The following INTS8 variants were observed in gnomAD, a reference collection of about 807,000 sequenced individuals.
INTS8 encodes integrator complex subunit 8.
Under a neutral mutation model 138.9 loss-of-function variants are expected in INTS8, and 47 were observed. The observed-to-expected ratio is 0.34, with a 90% CI of 0.27 to 0.43. INTS8 has a LOEUF of 0.43. INTS8 is among the 20% of genes least tolerant of loss of function. The probability of loss-of-function intolerance (pLI) is 1.00; values close to 1 mark genes in which losing one functional copy is unlikely to be tolerated. For missense variants in INTS8, 996 were observed against 1,173.0 expected (o/e 0.85, Z 2.20); for synonymous variants, 392 against 400.9 (o/e 0.98, Z 0.27).
chr8:94,834,703 CAAA>C (rs1180267625), intron 6 of INTS8, among the ~76,000 whole-genome samples: 2 of 85,078 alleles, frequency 2.4e-5, no homozygotes, highest in Non-Finnish European at 2.4e-5. Flanking sequence ...AACTCCATCT[CAAA>C]AAAAAAAAAA....
At chr8:94,873,933 A>AT (rs990033766) in intron 22 of INTS8, among the ~76,000 whole-genome samples, 12 of 150,832 alleles carry the variant, frequency 8.0e-5, no homozygotes, top group South Asian at 4.2e-4. Context: ...CTAAATCCCT[A>AT]TTTTTTTTTC....
intron 2 of INTS8, among the ~76,000 whole-genome samples, chr8:94,826,232 AC>A (rs759933282): frequency 5.9e-5 from 9 of 151,906 alleles, no homozygotes; most frequent in Non-Finnish European, 8.8e-5. Context: ...GTATTCAAAA[AC>A]CCTCTTTTTA....
rs368510999 is a variant in INTS8 at position 94,856,982 on chromosome 8, A to G, written c.1954+4A>G. The G allele has an allele frequency of 6.2e-6, 10 of 1,610,278 alleles. No homozygotes were observed. In the African/African-American group the frequency reaches 1.1e-4, roughly 17 times the overall value. On this transcript the variant is annotated splice_donor_region_variant and intron_variant, in intron 15 of 26. Transcript: ENST00000523731. ...TATCTGGAAATGAGGCTTCCTGGTA[A>G]GACTGGTTCACAAAGACAAATTTCA...
At chr8:94,844,884 C>G (rs1815276045) in intron 10 of INTS8, among the ~76,000 whole-genome samples, 1 of 151,820 alleles carries the variant, frequency 6.6e-6, no homozygotes, top group Admixed American at 6.6e-5. Flanking sequence ...TCCTGAGTAG[C>G]TGGGACTACA....
intron 12 of INTS8, among the ~76,000 whole-genome samples, chr8:94,850,387 C>T (rs1586496193): frequency 6.6e-6 from 1 of 152,068 alleles, no homozygotes; most frequent in African/African-American, 2.4e-5. Context: ...CCAAGACGGG[C>T]GGATCACGAG....
Position 94,859,311 on chromosome 8 carries a change from A to G in INTS8, c.1955-200A>G, listed in dbSNP as rs1222531019. 4.0e-5 allele frequency among the ~76,000 whole-genome samples: 6 copies of G among 150,930 alleles called. No individual in the cohort carries two copies. In the East Asian group the frequency reaches 1.2e-3, roughly 30 times the overall value. ...AATTTTATTTTTGAGACAAGGTCTC[A>G]CTCTGTTGCCCAGGCTGGTCTCAAA... On this transcript the variant is annotated intron_variant, in intron 15 of 26. Transcript: ENST00000523731.
At chr8:94,846,852 C>T (rs1208772834) in intron 10 of INTS8, among the ~76,000 whole-genome samples, 2 of 152,074 alleles carry the variant, frequency 1.3e-5, no homozygotes, top group Admixed American at 6.5e-5. Flanking sequence ...TTGAAATGGT[C>T]ACATAATTTC....
rs1322555431 is a variant in INTS8, at chr8:94,872,782, CTG to C, written c.2534-588_2534-587del. On this transcript the variant is annotated intron_variant, in intron 21 of 26. Coordinates refer to ENST00000523731, the MANE Select transcript of INTS8 (RefSeq NM_017864.4). ...TTTCTGACTAGAATCATTTCAGAAT[CTG>C]TGTTTTAGGAGTTGGTTTTTAATTT... is the stretch of plus-strand genomic sequence containing the variant. Among the ~76,000 whole-genome samples, 16 of 152,270 alleles carry C rather than the reference CTG, an allele frequency of 1.1e-4. 1 individual carries two copies. The highest frequency in any genetic ancestry group is 7.8e-4 in the Admixed American group (12 of 15,304).
rs1816073915 is a variant in INTS8 at position 94,863,626 on chromosome 8, T to C, written c.2077-1880T>C. Among the ~76,000 whole-genome samples, 3 of 152,370 alleles carry C rather than the reference T, an allele frequency of 2.0e-5. No individual in the cohort carries two copies. The South Asian group carries it at 6.2e-4, about 32-fold the overall frequency. On this transcript the variant is annotated intron_variant, in intron 16 of 26. Transcript: ENST00000523731. ...AATTTTTATGTTGTGCTTTCCATGATGCCCACCACACATAGTAGGTGCTCA... is the reference window on the plus strand; with the variant it reads ...AATTTTTATGTTGTGCTTTCCATGACGCCCACCACACATAGTAGGTGCTCA...
intron 16 of INTS8, among the ~76,000 whole-genome samples, chr8:94,863,394 G>T (rs997806180): frequency 1.3e-5 from 2 of 152,212 alleles, no homozygotes; most frequent in Non-Finnish European, 2.9e-5. Context: ...CCAGCTTTGC[G>T]TGTTTGTGTG....
chr8:94,876,087 G>A lies in INTS8; in HGVS notation c.2702G>A (p.Cys901Tyr). The change falls in exon 24 of 27, where the codon TGT (cysteine) becomes TAT (tyrosine). Residue 901 changes from cysteine (C) to tyrosine (Y), a missense_variant. Coordinates refer to ENST00000523731, the MANE Select transcript of INTS8 (RefSeq NM_017864.4). ...TTGTTAATGTAGGTGGCCATTTTAT[G>A]TCAGTTCCTCAGAGAAATTGACTAC... ...LNCHTQVAIL[C>Y]QFLREIDYKT... 1.2e-6 allele frequency: 2 copies of A among 1,607,902 alleles called. No homozygotes were observed. Among genetic ancestry groups the A allele is most frequent in the South Asian group, 1.1e-5 (1 of 90,886 alleles).
intron 18 of INTS8, chr8:94,866,685 T>A (rs1816187822): frequency 5.8e-6 from 1 of 171,100 alleles, no homozygotes. Flanking sequence ...TTGCATTTAC[T>A]TTACCATGTT....
At chr8:94,828,828 G>T (rs924811134) in intron 4 of INTS8, 147 bp from the exon 5 acceptor site, 4 of 629,090 alleles carry the variant, frequency 6.4e-6, no homozygotes, top group South Asian at 1.9e-5. Context: ...ATAGTTGAGG[G>T]TTTTGTTTTT....
chr8:94,837,750 C>T (rs1814979482), intron 7 of INTS8, among the ~76,000 whole-genome samples: 1 of 151,952 alleles, frequency 6.6e-6, no homozygotes, highest in East Asian at 1.9e-4. Flanking sequence ...TAATGATGTC[C>T]ACCTTTTGTA....
rs569418489 is a variant in INTS8 at position 94,850,537 on chromosome 8, A to G, written c.1507+446A>G. ...TGAGGTAGGAGAATGGCGTGAACCC[A>G]GGAGGCGGAGCTTGCAGTGAGCCAA... On this transcript the variant is annotated intron_variant, in intron 12 of 26. Coordinates refer to ENST00000523731, the MANE Select transcript of INTS8 (RefSeq NM_017864.4). 4.7e-5 allele frequency among the ~76,000 whole-genome samples: 7 copies of G among 150,194 alleles called. No homozygotes were observed. In the South Asian group the frequency reaches 1.3e-3, roughly 27 times the overall value.
intron 1 of INTS8, among the ~76,000 whole-genome samples, chr8:94,824,391 G>A (rs1279745747): frequency 6.6e-6 from 1 of 151,998 alleles, no homozygotes; most frequent in Non-Finnish European, 1.5e-5. Flanking sequence ...GTGCTTTCCG[G>A]GTGCCATGCA....
intron 1 of INTS8, among the ~76,000 whole-genome samples, chr8:94,824,363 T>G (rs1339334212): frequency 6.6e-6 from 1 of 152,218 alleles, no homozygotes; most frequent in Non-Finnish European, 1.5e-5. Context: ...TCATTCCTTT[T>G]GAAAGATAAT....
At chr8:94,841,799 G>A (rs746893731) in intron 9 of INTS8, among the ~76,000 whole-genome samples, 2 of 152,150 alleles carry the variant, frequency 1.3e-5, no homozygotes, top group African/African-American at 4.8e-5. Flanking sequence ...CGGGCGAGGT[G>A]TCTCATGCCT....
At chr8:94,857,611 G>A (rs963334004) in intron 15 of INTS8, among the ~76,000 whole-genome samples, 5 of 152,306 alleles carry the variant, frequency 3.3e-5, no homozygotes, top group South Asian at 2.1e-4. Flanking sequence ...CTCCAAGAAA[G>A]ACTCTTTCCT....
Sources: gnomAD v4.1 joint callset for allele counts (sites outside exome capture counted in the v4.1 genomes callset) on GRCh38, gnomAD v4.1.1 for gene constraint, MANE v1.5 for transcripts, NCBI Gene and HGNC (gene_info 2026-07-23, HGNC 2026-07-21) for gene names.